The following RFX3 variants were observed in gnomAD, a reference collection of about 807,000 sequenced individuals.
The protein encoded by RFX3 is regulatory factor X3, also known as transcription factor RFX3.
A neutral mutation model predicts 98.6 loss-of-function variants in RFX3; 14 were observed. That is an observed-to-expected ratio of 0.14 (90% CI 0.09 to 0.22). RFX3 has a LOEUF of 0.22. Ranked by LOEUF, RFX3 falls within the 10% of genes least tolerant of loss-of-function variation. The pLI is 1.00. For missense variants in RFX3, 639 were observed against 926.9 expected, an observed-to-expected ratio of 0.69 and a Z score of 4.03; for synonymous variants, 383 against 328.4, an observed-to-expected ratio of 1.17 and a Z score of -1.80.
chr9:3,363,979 A>C (rs1338858957), intron 2 of RFX3, among the ~76,000 whole-genome samples: 1 of 152,224 alleles, frequency 6.6e-6, no homozygotes, highest in Non-Finnish European at 1.5e-5. Flanking sequence ...GGATTCAAGC[A>C]ATTCCCCTGT....
intron 2 of RFX3, among the ~76,000 whole-genome samples, chr9:3,363,986 C>T (rs905992598): frequency 1.3e-5 from 2 of 152,236 alleles, no homozygotes; most frequent in Admixed American, 1.3e-4. Flanking sequence ...AGCAATTCCC[C>T]TGTCTCAGCC....
chr9:3,488,143 A>G (rs1240448033), intron 1 of RFX3, among the ~76,000 whole-genome samples: 1 of 152,136 alleles, frequency 6.6e-6, no homozygotes, highest in African/African-American at 2.4e-5. Flanking sequence ...TAATGTTATC[A>G]AAATGAAAAG....
chr9:3,285,548 G>T (rs1027027942), intron 7 of RFX3, among the ~76,000 whole-genome samples: 1 of 151,624 alleles, frequency 6.6e-6, no homozygotes, highest in Non-Finnish European at 1.5e-5. Context: ...TCAGTGGACA[G>T]ATTCCTTCAG....
chr9:3,304,590 G>A (rs1279552033), intron 4 of RFX3, among the ~76,000 whole-genome samples: 1 of 151,974 alleles, frequency 6.6e-6, no homozygotes, highest in African/African-American at 2.4e-5. Context: ...AATCATGGGG[G>A]TGGTTTCCCC....
At chr9:3,491,634 A>T (rs1215394486) in intron 1 of RFX3, among the ~76,000 whole-genome samples, 1 of 152,170 alleles carries the variant, frequency 6.6e-6, no homozygotes, top group Non-Finnish European at 1.5e-5. Flanking sequence ...ATAGGTTACA[A>T]ATAAAACCTA....
Position 3,233,965 on chromosome 9 carries a change from G to A in RFX3, c.1969-5076C>T, listed in dbSNP as rs193296165. Among the ~76,000 whole-genome samples, 13 of 152,268 alleles carry A rather than the reference G, an allele frequency of 8.5e-5. No homozygotes were observed. The East Asian group carries it at 2.1e-3, about 25-fold the overall frequency. ...ACTCTACTATCCCAGTACTCTGAAA[G>A]GATACCAAAAGCTGCATAGAAAAAT... On this transcript the variant is annotated intron_variant, in intron 15 of 16. Transcript: ENST00000617270.
At position 3,475,823 on chromosome 9, in the gene RFX3, TAG is replaced by T. The variant is rs371977350; in HGVS notation, c.-9+49922_-9+49923del. Among the ~76,000 whole-genome samples, 293 of 152,006 alleles carry T rather than the reference TAG, an allele frequency of 1.9e-3. 1 individual carries two copies. Among genetic ancestry groups the T allele is most frequent in the African/African-American group, 6.6e-3 (272 of 41,468 alleles). On this transcript the variant is annotated intron_variant, in intron 1 of 16. Transcript: ENST00000617270. ...GTCAGGCCCTCCACAAGAGGTGGAG[TAG>T]AGTGTCTTCTCTAAACTCCCCTGGG... is the stretch of plus-strand genomic sequence containing the variant.
chr9:3,376,288 C>A (rs145007864), intron 2 of RFX3, among the ~76,000 whole-genome samples: 13 of 152,096 alleles, frequency 8.5e-5, no homozygotes, highest in Non-Finnish European at 1.5e-4. Context: ...GTTTCTTATA[C>A]GGTTCAACAA....
intron 2 of RFX3, among the ~76,000 whole-genome samples, chr9:3,370,202 A>T (rs997317544): frequency 6.7e-6 from 1 of 148,934 alleles, no homozygotes; most frequent in African/African-American, 2.5e-5. Context: ...AAAAAAAAAA[A>T]TTAAATGATC....
chr9:3,525,936 GA>G lies in RFX3; in HGVS notation c.-199del. ...TGCTATAACTCACAAAAGAGAGAGA[GA>G]GAGGGAGAGAGAGAGAGAGCGAGAG... On this transcript the variant is annotated 5_prime_UTR_variant, in exon 1 of 17. Coordinates refer to ENST00000617270, the MANE Select transcript of RFX3 (RefSeq NM_001282116.2). The G allele has an allele frequency of 1.1e-6, 1 of 930,076 alleles. No individual in the cohort carries two copies. The highest frequency in any genetic ancestry group is 1.3e-6 in the Non-Finnish European group (1 of 781,802). The allele number at this position is 930,076 out of a possible 1,614,324, so 57.6% of individuals were successfully genotyped here. A position where few individuals can be genotyped will look rare whatever the true frequency, so the allele number is the denominator to read the frequency against.
intron 1 of RFX3, among the ~76,000 whole-genome samples, chr9:3,472,855 C>A (rs1197623666): frequency 6.6e-6 from 1 of 152,134 alleles, no homozygotes; most frequent in African/African-American, 2.4e-5. Flanking sequence ...TAGTTATTTT[C>A]TGTACATTAT....
At chr9:3,474,250 TCACAAAAACAGTCTATTTATACATTTTG>T (rs1389273847) in intron 1 of RFX3, among the ~76,000 whole-genome samples, 5 of 152,226 alleles carry the variant, frequency 3.3e-5, no homozygotes. Flanking sequence ...TTGGTCCTAG[TCACAAAAACAGTCTATTTATACATTTTG>T]CACATTTCAA....
intron 2 of RFX3, among the ~76,000 whole-genome samples, chr9:3,362,354 ATTTG>A (rs1836560817): frequency 6.6e-6 from 1 of 152,198 alleles, no homozygotes; most frequent in African/African-American, 2.4e-5. Flanking sequence ...AGAAAACAGA[ATTTG>A]TTTATTTACA....
intron 6 of RFX3, among the ~76,000 whole-genome samples, chr9:3,290,910 T>A (rs1315382182): frequency 1.3e-5 from 2 of 151,964 alleles, no homozygotes; most frequent in Admixed American, 1.3e-4. Context: ...CCAGAAAAAA[T>A]TCCCCTCACT....
intron 1 of RFX3, among the ~76,000 whole-genome samples, chr9:3,494,253 TATAGTA>T (rs1850951283): frequency 6.6e-6 from 1 of 152,164 alleles, no homozygotes; most frequent in Non-Finnish European, 1.5e-5. Flanking sequence ...ATTTGCATAG[TATAGTA>T]ACAAGCAGCA....
At chr9:3,295,246 T>C (rs1827853032) in intron 5 of RFX3, among the ~76,000 whole-genome samples, 1 of 151,998 alleles carries the variant, frequency 6.6e-6, no homozygotes, top group Admixed American at 6.6e-5. Context: ...GTTTTAAGTA[T>C]AGCTGAGGGA....
At chr9:3,380,522 G>A (rs1201972594) in intron 2 of RFX3, among the ~76,000 whole-genome samples, 1 of 152,150 alleles carries the variant, frequency 6.6e-6, no homozygotes, top group Admixed American at 6.5e-5. Flanking sequence ...GCTCAGTAAG[G>A]CTGAAGTGAT....
chr9:3,407,254 T>C (rs895123862), intron 1 of RFX3, among the ~76,000 whole-genome samples: 3 of 152,054 alleles, frequency 2.0e-5, no homozygotes, highest in Non-Finnish European at 4.4e-5. Context: ...TGAAACTTTC[T>C]ACCAAAAAAA....
chr9:3,285,154 A>G (rs1826414089), intron 7 of RFX3, among the ~76,000 whole-genome samples: 1 of 151,848 alleles, frequency 6.6e-6, no homozygotes, highest in Non-Finnish European at 1.5e-5. Context: ...CTTCACTATA[A>G]GAACATATAA....
Sources: gnomAD v4.1 joint callset for allele counts (sites outside exome capture counted in the v4.1 genomes callset) on GRCh38, gnomAD v4.1.1 for gene constraint, MANE v1.5 for transcripts, NCBI Gene and HGNC (gene_info 2026-07-23, HGNC 2026-07-21) for gene names.